PRDM11: variants seen among roughly 807,000 people sequenced by gnomAD.
PRDM11 encodes PR domain-containing protein 11.
A neutral mutation model predicts 97.8 loss-of-function variants in PRDM11; 20 were observed. The ratio of observed to expected loss-of-function variants is 0.20; its 90% CI spans 0.14 to 0.30. The LOEUF is 0.30. Among genes scored for constraint, PRDM11 ranks in the 10% least tolerant of loss-of-function variants. PRDM11 has a pLI of 1.00. For synonymous variants in PRDM11, 599 were observed against 637.7 expected (o/e 0.94, Z 0.91); for missense variants, 1,139 against 1,555.2 (o/e 0.73, Z 4.50).
chr11:45,103,510 C>T (rs1044574837), intron 1 of PRDM11, among the ~76,000 whole-genome samples: 9 of 152,110 alleles, frequency 5.9e-5, no homozygotes, highest in African/African-American at 2.2e-4. Context: ...CAGTTCCTCC[C>T]TGAGCCTCAG....
At chr11:45,194,442 C>G (rs1214365159) in intron 4 of PRDM11, among the ~76,000 whole-genome samples, 2 of 152,070 alleles carry the variant, frequency 1.3e-5, no homozygotes, top group African/African-American at 2.4e-5. Flanking sequence ...TTCAGCACTC[C>G]AAACCCCAGT....
chr11:45,227,571 TGTGAAGGCC>T lies in PRDM11; in HGVS notation c.2947_2955del (p.Val983_Ala985del). On this transcript the variant is annotated inframe_deletion, in exon 8 of 8. Coordinates refer to ENST00000683152, the MANE Select transcript of PRDM11 (RefSeq NM_001384648.1). This position sits in a 1 kb window ranked among gnomAD's most constrained non-coding sequence, Gnocchi z 8.0. ...GGTTCGACTCCCGCAGCCGGATCTTTGTGAAGGCCTGCCAGGTGTTTGACCTGGCTGCCT... is the reference window on the plus strand; with the variant it reads ...GGTTCGACTCCCGCAGCCGGATCTTTTGCCAGGTGTTTGACCTGGCTGCCT... 1 of 1,533,902 alleles carries T rather than the reference TGTGAAGGCC, an allele frequency of 6.5e-7. No individual in the cohort carries two copies. Among genetic ancestry groups the T allele is most frequent in the Admixed American group, 2.0e-5 (1 of 51,002 alleles).
At chr11:45,132,002 G>C (rs1411455758) in intron 1 of PRDM11, among the ~76,000 whole-genome samples, 1 of 152,154 alleles carries the variant, frequency 6.6e-6, no homozygotes, top group East Asian at 1.9e-4. Flanking sequence ...GCCAAGCTGA[G>C]CAACAGAAAG....
chr11:45,133,108 T>A (rs950288416), intron 1 of PRDM11, among the ~76,000 whole-genome samples: 1 of 152,184 alleles, frequency 6.6e-6, no homozygotes, highest in African/African-American at 2.4e-5. Context: ...CTCCCAACCT[T>A]TAAACAATAA....
At chr11:45,149,115 G>C (rs1851597790) in intron 1 of PRDM11, among the ~76,000 whole-genome samples, 1 of 152,134 alleles carries the variant, frequency 6.6e-6, no homozygotes, top group Non-Finnish European at 1.5e-5. Context: ...CCCCAGTGTT[G>C]TAGTCAAGCC....
intron 1 of PRDM11, among the ~76,000 whole-genome samples, chr11:45,116,288 CTTTGA>C (rs927989954): frequency 4.6e-5 from 7 of 152,144 alleles, no homozygotes; most frequent in African/African-American, 1.2e-4. Flanking sequence ...CTATAAAGTG[CTTTGA>C]TTTAACACCA....
At chr11:45,125,035 C>T (rs1253714629) in intron 1 of PRDM11, among the ~76,000 whole-genome samples, 1 of 152,076 alleles carries the variant, frequency 6.6e-6, no homozygotes, top group Non-Finnish European at 1.5e-5. Context: ...TTGGTCTATT[C>T]AGAGATTCAA....
chr11:45,189,309 A>G (rs1852824883), intron 4 of PRDM11, among the ~76,000 whole-genome samples: 1 of 152,232 alleles, frequency 6.6e-6, no homozygotes, highest in African/African-American at 2.4e-5. Context: ...TGGCATATTA[A>G]AACTGGGAGA....
At chr11:45,108,753 A>G (rs951367663) in intron 1 of PRDM11, among the ~76,000 whole-genome samples, 4 of 152,012 alleles carry the variant, frequency 2.6e-5, no homozygotes, top group African/African-American at 9.7e-5. Flanking sequence ...CTATGTGGGG[A>G]CCCAGGCCCA....
chr11:45,140,356 A>T (rs929064101), intron 1 of PRDM11, among the ~76,000 whole-genome samples: 2 of 152,204 alleles, frequency 1.3e-5, no homozygotes, highest in African/African-American at 4.8e-5. Context: ...GGAGTCAAAT[A>T]ACAGGGGTGG....
chr11:45,162,358 G>A (rs1851950268), intron 1 of PRDM11, among the ~76,000 whole-genome samples: 1 of 152,074 alleles, frequency 6.6e-6, no homozygotes, highest in Non-Finnish European at 1.5e-5. Context: ...TTAGGCTGGA[G>A]AAAGTAAGGC....
chr11:45,203,481 C>T (rs942607347), intron 4 of PRDM11, among the ~76,000 whole-genome samples: 9 of 150,832 alleles, frequency 6.0e-5, no homozygotes, highest in South Asian at 2.1e-4. Flanking sequence ...GGAGAAACCC[C>T]GGATTAGACA....
rs958396288 is a variant in PRDM11 at position 45,206,490 on chromosome 11, G to A, written c.554+1712G>A. On this transcript the variant is annotated intron_variant, in intron 5 of 7. Coordinates refer to ENST00000683152, the MANE Select transcript of PRDM11 (RefSeq NM_001384648.1). Reference sequence around the variant, plus strand: ...TCCAGGCAAGCAGGGGAGACCGTGCGTGTGTCCACTTGGGAATCAGGCTTT... The same window carrying A: ...TCCAGGCAAGCAGGGGAGACCGTGCATGTGTCCACTTGGGAATCAGGCTTT... 2.6e-5 allele frequency among the ~76,000 whole-genome samples: 4 copies of A among 152,206 alleles called. 1 individual carries two copies. The highest frequency in any genetic ancestry group is 4.8e-5 in the African/African-American group (2 of 41,446).
At chr11:45,209,267 G>A (rs1260103838) in intron 5 of PRDM11, 4 of 369,754 alleles carry the variant, frequency 1.1e-5, no homozygotes, top group Admixed American at 1.0e-4. Context: ...GGGCGGAACT[G>A]GATGGCACCG....
intron 4 of PRDM11, among the ~76,000 whole-genome samples, chr11:45,189,205 G>A (rs1852821451): frequency 6.6e-6 from 1 of 152,122 alleles, no homozygotes; most frequent in Admixed American, 6.5e-5. Context: ...CCGGCCGCGA[G>A]CACAGGGTTT....
At chr11:45,177,976 G>A (rs185835437) in intron 1 of PRDM11, among the ~76,000 whole-genome samples, 1 of 152,290 alleles carries the variant, frequency 6.6e-6, no homozygotes, top group Admixed American at 6.5e-5. Context: ...GGATGTGAGA[G>A]ATAGGACATA....
At chr11:45,159,850 C>T (rs1416911831) in intron 1 of PRDM11, among the ~76,000 whole-genome samples, 1 of 152,176 alleles carries the variant, frequency 6.6e-6, no homozygotes, top group Non-Finnish European at 1.5e-5. Flanking sequence ...GCCTTTATCC[C>T]TGAAGCATCC....
At chr11:45,144,478 G>C (rs1415564774), upstream of PRDM11, among the ~76,000 whole-genome samples, 4 of 152,170 alleles carry the variant, frequency 2.6e-5, no homozygotes, top group East Asian at 7.7e-4. Flanking sequence ...GATTTAAATA[G>C]AAAACCAATG....
intron 1 of PRDM11, among the ~76,000 whole-genome samples, chr11:45,157,706 A>G (rs986926828): frequency 6.6e-6 from 1 of 152,202 alleles, no homozygotes; most frequent in African/African-American, 2.4e-5. Context: ...TGTGAGCAGC[A>G]TGGCCTTTCC....
Sources: allele counts gnomAD v4.1 joint callset (sites outside exome capture counted in the v4.1 genomes callset), GRCh38; gene constraint gnomAD v4.1.1; non-coding constraint Gnocchi (gnomAD v3.1); transcripts MANE v1.5; gene names NCBI Gene and HGNC (gene_info 2026-07-23, HGNC 2026-07-21).